Variants in SF3B3 observed in about 807,000 individuals in gnomAD.
SF3B3 encodes SAP 130.
Under a neutral mutation model 139.2 loss-of-function variants are expected in SF3B3, and 33 were observed. The observed-to-expected ratio is 0.24, with a 90% CI of 0.18 to 0.32. The LOEUF (loss-of-function observed/expected upper bound fraction) is 0.32, where lower values mean the gene tolerates loss of function less well. Ranked by LOEUF, SF3B3 falls within the 10% of genes least tolerant of loss-of-function variation. The pLI is 1.00. For missense variants in SF3B3, 818 were observed against 1,509.4 expected (o/e 0.54, Z 7.59); for synonymous variants, 596 against 563.6 (o/e 1.06, Z -0.81).
rs1407673415 is a variant in SF3B3, at chr16:70,563,856, G to A, written c.2289-20G>A. On this transcript the variant is annotated intron_variant, in intron 17 of 25. Coordinates refer to ENST00000302516, the MANE Select transcript of SF3B3 (RefSeq NM_012426.5). The stretch of plus-strand genomic sequence containing the variant: ...GGGTCCGAGTGAGTATTAAATAACT[G>A]CCTTGCTTTTTTGTCATAGGATTTT... 1.2e-6 allele frequency: 2 copies of A among 1,613,150 alleles called. No homozygotes were observed. The highest frequency in any genetic ancestry group is 4.5e-5 in the East Asian group (2 of 44,856).
At chr16:70,544,685 C>T in intron 10 of SF3B3, 152 bp downstream of exon 10, 1 of 595,914 alleles carries the variant, frequency 1.7e-6, no homozygotes, top group East Asian at 2.9e-5. Context: ...GTTTATACTT[C>T]AGATTTTCTT....
chr16:70,534,289 C>T (rs2050146864), intron 5 of SF3B3, among the ~76,000 whole-genome samples: 1 of 152,060 alleles, frequency 6.6e-6, no homozygotes, highest in South Asian at 2.1e-4. Context: ...ATTAAAAGCT[C>T]ATTATGATTT....
intron 8 of SF3B3, 149 bp from the exon 9 acceptor site, chr16:70,541,520 C>A: frequency 3.5e-6 from 2 of 570,180 alleles, no homozygotes; most frequent in East Asian, 2.9e-5. Flanking sequence ...TGAAACAAAT[C>A]CTAGCTGTCG....
chr16:70,554,956 G>A, intron 12 of SF3B3, 95 bp from the exon 13 acceptor site: 2 of 1,222,438 alleles, frequency 1.6e-6, no homozygotes, highest in Non-Finnish European at 2.3e-6. Context: ...GTGGCCCCAG[G>A]TCTGATTTTA....
At chr16:70,535,954 C>T (rs953495667) in intron 6 of SF3B3, among the ~76,000 whole-genome samples, 3 of 152,108 alleles carry the variant, frequency 2.0e-5, no homozygotes, top group Non-Finnish European at 4.4e-5. Context: ...TGATGCCTCA[C>T]TCCAGTAATC....
intron 20 of SF3B3, 116 bp downstream of exon 20, chr16:70,565,640 T>TA (rs2050468576): frequency 1.1e-6 from 1 of 914,472 alleles, no homozygotes. Flanking sequence ...ATCTCTCTCT[T>TA]ACCAGCACAT....
At chr16:70,551,732 T>G (rs1260143395) in intron 11 of SF3B3, among the ~76,000 whole-genome samples, 1 of 152,104 alleles carries the variant, frequency 6.6e-6, no homozygotes, top group Non-Finnish European at 1.5e-5. Flanking sequence ...TTTATAGAAT[T>G]GGGGTCTTGT....
Position 70,571,860 on chromosome 16 carries a change from C to T in SF3B3, c.*47C>T, listed in dbSNP as rs763811290. The T allele has an allele frequency of 1.7e-5, 27 of 1,565,714 alleles. No homozygotes were observed. The highest frequency in any genetic ancestry group is 2.3e-5 in the Non-Finnish European group (27 of 1,157,762). On this transcript the variant is annotated 3_prime_UTR_variant, in exon 26 of 26. Transcript: ENST00000302516. ...TTGCCAGAGACTGTGTGTTTTGTTT[C>T]CCCCACCACCATCACTGCCACCTGG...
chr16:70,564,938 C>A, intron 18 of SF3B3, 127 bp from the exon 19 acceptor site: 3 of 773,440 alleles, frequency 3.9e-6, no homozygotes, highest in African/African-American at 1.7e-5. Flanking sequence ...GAAATCCTGG[C>A]TGGGATGGCT....
chr16:70,535,261 T>G, intron 5 of SF3B3, 47 bp from the exon 6 acceptor site: 1 of 962,998 alleles, frequency 1.0e-6, no homozygotes. Flanking sequence ...GCTGAAGAAA[T>G]TCATGTCTGA....
Sources: gnomAD v4.1 joint callset for allele counts (sites outside exome capture counted in the v4.1 genomes callset) on GRCh38, gnomAD v4.1.1 for gene constraint, MANE v1.5 for transcripts, NCBI Gene and HGNC (gene_info 2026-07-23, HGNC 2026-07-21) for gene names.